MAP1B: variants seen among roughly 807,000 people sequenced by gnomAD.
The protein encoded by MAP1B is microtubule-associated protein 1B.
Under a neutral mutation model 176.1 loss-of-function variants are expected in MAP1B, and 12 were observed. The observed-to-expected ratio is 0.07, with a 90% CI of 0.04 to 0.11. The LOEUF (loss-of-function observed/expected upper bound fraction) is 0.11, where lower values mean the gene tolerates loss of function less well. MAP1B is among the 10% of genes least tolerant of loss of function. MAP1B has a pLI of 1.00. For missense variants in MAP1B, 2,523 were observed against 2,990.5 expected (o/e 0.84, Z 3.65); for synonymous variants, 1,044 against 1,135.0 (o/e 0.92, Z 1.61).
intron 2 of MAP1B, among the ~76,000 whole-genome samples, chr5:72,118,663 G>T (rs1438034534): frequency 6.6e-6 from 1 of 151,936 alleles, no homozygotes; most frequent in African/African-American, 2.4e-5. Flanking sequence ...GCCCAGGCTG[G>T]TCTTAAACTC....
chr5:72,179,640 G>C (rs570357165), intron 2 of MAP1B: 28 of 985,350 alleles, frequency 2.8e-5, no homozygotes, highest in Non-Finnish European at 3.3e-5. Context: ...ATGCTGGGGC[G>C]GCCCAGCCCC....
chr5:72,166,458 G>A (rs1370967631), intron 2 of MAP1B, among the ~76,000 whole-genome samples: 2 of 152,170 alleles, frequency 1.3e-5, no homozygotes, highest in African/African-American at 2.4e-5. Flanking sequence ...ATTCCGTGTA[G>A]TCTAGTTCTC....
intron 2 of MAP1B, among the ~76,000 whole-genome samples, chr5:72,166,918 A>G (rs934214137): frequency 2.6e-5 from 4 of 152,198 alleles, no homozygotes; most frequent in Admixed American, 6.5e-5. Context: ...AGTCCAGGAA[A>G]CAAGATGAAA....
chr5:72,115,656 ACT>A (rs1374509036), intron 1 of MAP1B, 40 bp from the exon 2 acceptor site: 1 of 1,077,394 alleles, frequency 9.3e-7, no homozygotes, highest in Non-Finnish European at 1.5e-6. Flanking sequence ...CTCTGAAATG[ACT>A]AACTGGAAGT....
At position 72,194,213 on chromosome 5, in the gene MAP1B, C is replaced by T. The variant is rs777817448; in HGVS notation, c.858C>T (p.Gly286=). The change falls in exon 5 of 7, where the codon GGC becomes GGT. Residue 286 remains glycine (G), a synonymous_variant. Transcript: ENST00000296755. The surrounding 1 kb of genome is among the most constrained non-coding windows in gnomAD (Gnocchi z 7.2). ...AVNGFNMLIN[G]GSERKSCFWK... is the part of the protein sequence containing the mutation. ...ATGGTTTCAATATGCTCATCAATGG[C>T]GGATCAGAGAGAAAATCCTGCTTCT... is the stretch of plus-strand genomic sequence containing the variant. 67 of 1,614,018 alleles carry T rather than the reference C, an allele frequency of 4.2e-5. No homozygotes were observed. Among genetic ancestry groups the T allele is most frequent in the African/African-American group, 2.4e-4 (18 of 74,904 alleles).
intron 2 of MAP1B, among the ~76,000 whole-genome samples, chr5:72,130,185 A>G (rs1214394762): frequency 3.4e-5 from 1 of 29,754 alleles, no homozygotes; most frequent in Non-Finnish European, 6.9e-5. Context: ...AGAAAAGTGG[A>G]AAAAAAAAAA....
Position 72,203,590 on chromosome 5 carries a change from C to A in MAP1B, c.7040C>A (p.Ser2347Ter). The A allele has an allele frequency of 6.2e-7, 1 of 1,614,144 alleles. No homozygotes were observed. Among genetic ancestry groups the A allele is most frequent in the South Asian group, 1.1e-5 (1 of 91,064 alleles). The change falls in exon 6 of 7, where the codon TCA becomes TAA. Residue 2347 changes from serine to a stop codon, truncating the protein, a stop_gained. Transcript: ENST00000296755. LOFTEE classifies it high-confidence loss of function. ...AGPGTTKTTK[S>*]SAVPPGLPVY... Reference sequence around the variant, plus strand: ...CCAGGAACTACCAAGACGACCAAGTCATCTGCTGTGCCCCCAGGCCTCCCT... The same window carrying A: ...CCAGGAACTACCAAGACGACCAAGTAATCTGCTGTGCCCCCAGGCCTCCCT...
At chr5:72,181,678 C>T (rs1054221557) in intron 2 of MAP1B, among the ~76,000 whole-genome samples, 5 of 151,780 alleles carry the variant, frequency 3.3e-5, no homozygotes, top group African/African-American at 1.2e-4. Context: ...CTGCCTCAGC[C>T]TCCCATGTAG....
intron 2 of MAP1B, among the ~76,000 whole-genome samples, chr5:72,140,784 T>C (rs1745933302): frequency 6.6e-6 from 1 of 152,190 alleles, no homozygotes; most frequent in Admixed American, 6.5e-5. Context: ...TCACCAACTT[T>C]AGGCAACATG....
intron 5 of MAP1B, 147 bp from the exon 6 acceptor site, chr5:72,203,416 G>A (rs1343681923): frequency 1.3e-5 from 9 of 689,572 alleles, no homozygotes; most frequent in Non-Finnish European, 2.4e-5. Context: ...TTACCAGGGA[G>A]ATGGAAATGC....
In MAP1B at chr5:72,186,617, C is replaced by A; in HGVS notation, c.373C>A (p.Arg125Ser). The A allele has an allele frequency of 1.2e-6, 2 of 1,613,940 alleles. No homozygotes were observed. The highest frequency in any genetic ancestry group is 1.7e-6 in the Non-Finnish European group (2 of 1,180,022). The change falls in exon 4 of 7, where the codon CGC becomes AGC. Residue 125 changes from arginine (R) to serine (S), a missense_variant. Physicochemically the swap from Arg to Ser is moderately radical, Grantham distance 110. Transcript: ENST00000296755. The surrounding 1 kb of genome is among the most constrained non-coding windows in gnomAD (Gnocchi z 4.3). ...PSDEAVSTEV[R>S]LMITDAARHK... is the part of the protein sequence containing the mutation. Reference sequence around the variant, plus strand: ...TACGTTCTGTGCTTTATTTCAGGTGCGCTTAATGATCACTGATGCTGCCCG... The same window carrying A: ...TACGTTCTGTGCTTTATTTCAGGTGAGCTTAATGATCACTGATGCTGCCCG...
intron 4 of MAP1B, among the ~76,000 whole-genome samples, chr5:72,191,955 T>A (rs922590590): frequency 2.6e-5 from 4 of 152,208 alleles, no homozygotes; most frequent in African/African-American, 7.2e-5. Flanking sequence ...GGTAATTACA[T>A]ACTTTACATA....
At position 72,158,006 on chromosome 5, in the gene MAP1B, A is replaced by ATT. The variant is rs33987772; in HGVS notation, c.287-25717_287-25716dup. The stretch of plus-strand genomic sequence containing the variant: ...AGGCATCTGCTACTACACCTGGCTA[A>ATT]TTTTTTTTTTTTTTTTTTTTTGAGA... On this transcript the variant is annotated intron_variant, in intron 2 of 6. Transcript: ENST00000296755. 9.5e-3 allele frequency among the ~76,000 whole-genome samples: 990 copies of ATT among 104,312 alleles called. 14 individuals carry two copies. Among genetic ancestry groups the ATT allele is most frequent in the African/African-American group, 0.023 (629 of 27,846 alleles). The allele number at this position is 104,312 out of a possible 152,430, so 68.4% of individuals were successfully genotyped here.
chr5:72,195,178 C>T lies in MAP1B; in HGVS notation c.1823C>T (p.Pro608Leu), dbSNP rs1343303020. Reference protein sequence around the residue: ...TKPSVTEKEVPSKEEPSPVKA... With the variant: ...TKPSVTEKEVLSKEEPSPVKA... Reference sequence around the variant, plus strand: ...CCTTCAGTGACTGAAAAGGAGGTTCCCAGCAAAGAAGAGCCATCTCCAGTG... The same window carrying T: ...CCTTCAGTGACTGAAAAGGAGGTTCTCAGCAAAGAAGAGCCATCTCCAGTG... Residue 608 changes from proline (P) to leucine (L), a missense_variant, in exon 5 of 7, where the codon CCC becomes CTC. Physicochemically the swap from Pro to Leu is moderately conservative, Grantham distance 98. Around this residue, in one of 4 missense-constraint regions of MAP1B, gnomAD observed 1,925 missense variants for 2,126.0 expected, o/e 0.91. Transcript: ENST00000296755. The T allele has an allele frequency of 2.5e-6, 4 of 1,613,532 alleles. No individual in the cohort carries two copies. Among genetic ancestry groups the T allele is most frequent in the Non-Finnish European group, 3.4e-6 (4 of 1,179,968 alleles).
chr5:72,155,122 C>T (rs1370202065), intron 2 of MAP1B, among the ~76,000 whole-genome samples: 21 of 152,196 alleles, frequency 1.4e-4, no homozygotes, highest in Non-Finnish European at 2.5e-4. Context: ...TTGATTGTAA[C>T]AGCATATATT....
chr5:72,117,762 G>T (rs936561438), intron 2 of MAP1B, among the ~76,000 whole-genome samples: 1 of 152,198 alleles, frequency 6.6e-6, no homozygotes, highest in African/African-American at 2.4e-5. Flanking sequence ...TGCTAGAAAG[G>T]ACTGATATTA....
At position 72,194,920 on chromosome 5, in the gene MAP1B, C is replaced by T. The variant is rs1324763004; in HGVS notation, c.1565C>T (p.Thr522Ile). Residue 522 changes from threonine (T) to isoleucine (I), a missense_variant, in exon 5 of 7, where the codon ACT (threonine) becomes ATT (isoleucine). By Grantham distance (89) the Thr-to-Ile change is moderately conservative (BLOSUM62 -1). Coordinates refer to ENST00000296755, the MANE Select transcript of MAP1B (RefSeq NM_005909.5). This position sits in a 1 kb window ranked among gnomAD's most constrained non-coding sequence, Gnocchi z 7.2. ...CCACTGGCCACCCAAAAGGATCTCA[C>T]TGGCCAGGTGCCCACTCCTGTGGTG... The part of the protein sequence containing the change: ...KQPLATQKDL[T>I]GQVPTPVVKQ... The T allele has an allele frequency of 3.7e-6, 6 of 1,614,078 alleles. No homozygotes were observed. Among genetic ancestry groups the T allele is most frequent in the Non-Finnish European group, 5.1e-6 (6 of 1,180,034 alleles).
chr5:72,172,663 A>T (rs1015039161), intron 2 of MAP1B, among the ~76,000 whole-genome samples: 1 of 152,194 alleles, frequency 6.6e-6, no homozygotes, highest in African/African-American at 2.4e-5. Context: ...TACTGGGAAA[A>T]GTTGTTTGAG....
At chr5:72,153,862 TC>T (rs1372022660) in intron 2 of MAP1B, among the ~76,000 whole-genome samples, 5 of 151,710 alleles carry the variant, frequency 3.3e-5, no homozygotes, top group African/African-American at 1.2e-4. Context: ...ACAAAGACAT[TC>T]CCCCCAAAGC....
Sources: allele counts gnomAD v4.1 joint callset (sites outside exome capture counted in the v4.1 genomes callset), GRCh38; gene constraint gnomAD v4.1.1; regional missense constraint gnomAD v4.1.1; non-coding constraint Gnocchi (gnomAD v3.1); transcripts MANE v1.5; gene names NCBI Gene and HGNC (gene_info 2026-07-23, HGNC 2026-07-21).